The following F13A1 variants were observed in gnomAD, a reference collection of about 807,000 sequenced individuals.
F13A1 encodes coagulation factor XIII A chain.
Under a neutral mutation model 80.1 loss-of-function variants are expected in F13A1, and 47 were observed. The ratio of observed to expected loss-of-function variants is 0.59; its 90% confidence interval spans 0.46 to 0.75. The LOEUF is 0.75. F13A1 is among the 30% of genes least tolerant of loss of function. The probability of loss-of-function intolerance (pLI) is 0.00; values close to 1 mark genes in which losing one functional copy is unlikely to be tolerated. For missense variants in F13A1, 817 were observed against 930.4 expected (o/e 0.88, Z 1.59); for synonymous variants, 349 against 344.9 (o/e 1.01, Z -0.13).
chr6:6,250,832 G>A lies in F13A1; in HGVS notation c.669C>T (p.Thr223=). The A allele has an allele frequency of 6.2e-7, 1 of 1,612,178 alleles. No homozygotes were observed. Among genetic ancestry groups the A allele is most frequent in the Non-Finnish European group, 8.5e-7 (1 of 1,178,466 alleles). The change falls in exon 5 of 15, where the codon ACC becomes ACT. Residue 223 remains threonine, a synonymous_variant. Transcript: ENST00000264870. The surrounding 1 kb of genome is among the most constrained non-coding windows in gnomAD (Gnocchi z 4.2). The part of the protein sequence containing the change: ...IFYGEVNDIK[T]RSWSYGQFED... ...TCACCTGACCATAGCTCCAGCTTCT[G>A]GTCTTGATGTCATTGACCTCTCCAT...
At chr6:6,175,934 A>C (rs910690760) in intron 11 of F13A1, among the ~76,000 whole-genome samples, 2 of 152,278 alleles carry the variant, frequency 1.3e-5, no homozygotes, top group Admixed American at 1.3e-4. Context: ...CAGGCCTCAG[A>C]AGGAGCTTAT....
At chr6:6,256,585 T>A (rs1297789277) in intron 4 of F13A1, among the ~76,000 whole-genome samples, 1 of 152,050 alleles carries the variant, frequency 6.6e-6, no homozygotes, top group African/African-American at 2.4e-5. Flanking sequence ...ATTTTACTGT[T>A]CCTCTGGTGG....
At chr6:6,160,581 G>C (rs6597194) in intron 13 of F13A1, among the ~76,000 whole-genome samples, 71,781 of 151,790 alleles carry the variant, frequency 0.47, 17,264 homozygotes, top group African/African-American at 0.57. Flanking sequence ...AAGTGATCCA[G>C]CCACCTTGGC....
intron 6 of F13A1, among the ~76,000 whole-genome samples, chr6:6,235,825 T>C (rs1425021289): frequency 6.6e-6 from 1 of 152,136 alleles, no homozygotes; most frequent in Non-Finnish European, 1.5e-5. Flanking sequence ...ATACAAAGAC[T>C]TTTACTAAAG....
At chr6:6,158,370 C>T (rs959668817) in intron 13 of F13A1, among the ~76,000 whole-genome samples, 1 of 152,122 alleles carries the variant, frequency 6.6e-6, no homozygotes. Context: ...GCTTCTTATG[C>T]AGTTAGTGGG....
chr6:6,232,786 C>G (rs1016525974), intron 6 of F13A1, among the ~76,000 whole-genome samples: 9 of 152,156 alleles, frequency 5.9e-5, no homozygotes, highest in African/African-American at 2.2e-4. Context: ...AACTGGAAAG[C>G]AACTCTAAAA....
At chr6:6,316,051 T>C (rs868223032) in intron 2 of F13A1, among the ~76,000 whole-genome samples, 1 of 114,152 alleles carries the variant, frequency 8.8e-6, no homozygotes, top group Non-Finnish European at 1.8e-5. Flanking sequence ...CTTGTTCAGA[T>C]GGTTTGTGTG....
intron 4 of F13A1, among the ~76,000 whole-genome samples, chr6:6,256,807 A>C (rs1436331401): frequency 6.6e-6 from 1 of 151,892 alleles, no homozygotes; most frequent in East Asian, 1.9e-4. Flanking sequence ...GGGCTGATAC[A>C]TTCCTTCTGC....
At chr6:6,176,070 T>C (rs1406012589) in intron 11 of F13A1, among the ~76,000 whole-genome samples, 2 of 152,226 alleles carry the variant, frequency 1.3e-5, no homozygotes, top group Non-Finnish European at 2.9e-5. Context: ...CCTAAATACC[T>C]TTGGGTTTAT....
At chr6:6,169,946 C>T (rs1270960755) in intron 12 of F13A1, among the ~76,000 whole-genome samples, 1 of 152,190 alleles carries the variant, frequency 6.6e-6, no homozygotes, top group Non-Finnish European at 1.5e-5. Flanking sequence ...TTGACCTTGG[C>T]CCCCAGGTCC....
intron 4 of F13A1, among the ~76,000 whole-genome samples, chr6:6,258,424 TACTG>T (rs1384881525): frequency 6.6e-6 from 1 of 152,188 alleles, no homozygotes; most frequent in African/African-American, 2.4e-5. Context: ...TCTAGGGAGA[TACTG>T]ACTATGAGCA....
intron 8 of F13A1, among the ~76,000 whole-genome samples, chr6:6,199,046 A>G (rs988245050): frequency 4.6e-5 from 7 of 152,226 alleles, no homozygotes; most frequent in African/African-American, 1.7e-4. Flanking sequence ...GCTGGAGCAT[A>G]GCGTGTTTGA....
At chr6:6,275,224 C>T (rs11754644) in intron 3 of F13A1, among the ~76,000 whole-genome samples, 2,442 of 151,530 alleles carry the variant, frequency 0.016, 32 homozygotes, top group South Asian at 0.029. Flanking sequence ...GGGGTGCCAG[C>T]GGAAGCAGGA....
At chr6:6,182,272 C>A in intron 10 of F13A1, 131 bp from the exon 11 acceptor site, 1 of 943,666 alleles carries the variant, frequency 1.1e-6, no homozygotes, top group Non-Finnish European at 1.7e-6. Flanking sequence ...ACATTGGATT[C>A]GTATCATAGG....
At position 6,144,674 on chromosome 6, in the gene F13A1, A is replaced by G. The variant is rs774737661; in HGVS notation, c.*945T>C. The G allele has an allele frequency of 9.2e-5, 14 of 152,260 alleles. No individual in the cohort carries two copies. The highest frequency in any genetic ancestry group is 1.8e-4 in the Non-Finnish European group (12 of 68,028). The allele number at this position is 152,260 out of a possible 1,614,324, so 9.4% of individuals were successfully genotyped here. A position where few individuals can be genotyped will look rare whatever the true frequency, so the allele number is the denominator to read the frequency against. On this transcript the variant is annotated 3_prime_UTR_variant, in exon 15 of 15. Coordinates refer to ENST00000264870, the MANE Select transcript of F13A1 (RefSeq NM_000129.4). ...GAATCAGTGGCTGCAGTCCTTCTATATATCTGGTCACTAGATCCGCCAGCT... is the reference window on the plus strand; with the variant it reads ...GAATCAGTGGCTGCAGTCCTTCTATGTATCTGGTCACTAGATCCGCCAGCT...
intron 2 of F13A1, among the ~76,000 whole-genome samples, chr6:6,318,136 C>G (rs1227296921): frequency 2.6e-5 from 4 of 152,272 alleles, no homozygotes; most frequent in Admixed American, 1.3e-4. Flanking sequence ...GAAGGAGGTG[C>G]AAGCCAGACA....
At chr6:6,257,063 G>A (rs551318622) in intron 4 of F13A1, among the ~76,000 whole-genome samples, 1 of 152,224 alleles carries the variant, frequency 6.6e-6, no homozygotes, top group Non-Finnish European at 1.5e-5. Context: ...TTAGAGCGAG[G>A]GGATTAGGAA....
Position 6,197,455 on chromosome 6 carries a change from G to A in F13A1, c.1113-129C>T, listed in dbSNP as rs117257574. Reference sequence around the variant, plus strand: ...AGCAATTTGGGAGGCCAAGGCAGGTGAGTCACAAGGTCAAGACATCAAGAC... The same window carrying A: ...AGCAATTTGGGAGGCCAAGGCAGGTAAGTCACAAGGTCAAGACATCAAGAC... On this transcript the variant is annotated intron_variant, in intron 8 of 14. Transcript: ENST00000264870. 1,195 of 803,896 alleles carry A rather than the reference G, an allele frequency of 1.5e-3. 15 individuals are homozygous for A. In the East Asian group the frequency reaches 0.024, roughly 16 times the overall value. 49.8% of individuals were successfully genotyped at this position (803,896 alleles called of 1,614,324 possible).
intron 10 of F13A1, among the ~76,000 whole-genome samples, chr6:6,194,441 G>A (rs1761254852): frequency 6.6e-6 from 1 of 152,034 alleles, no homozygotes. Context: ...TAATCATTTT[G>A]CCTAATCATC....
Sources: gnomAD v4.1 joint callset for allele counts (sites outside exome capture counted in the v4.1 genomes callset) on GRCh38, gnomAD v4.1.1 for gene constraint, Gnocchi (gnomAD v3.1) non-coding constraint, MANE v1.5 for transcripts, NCBI Gene and HGNC (gene_info 2026-07-23, HGNC 2026-07-21) for gene names.